Variants in LRRTM4 observed in about 807,000 individuals in gnomAD.
The protein encoded by LRRTM4 is leucine-rich repeat transmembrane neuronal protein 4.
In LRRTM4, 25 loss-of-function variants were observed where a neutral mutation model predicts 47.6. That is an observed-to-expected ratio of 0.53 (90% CI 0.38 to 0.73). LRRTM4 has a LOEUF of 0.73. LRRTM4 is among the 30% of genes least tolerant of loss of function. LRRTM4 has a pLI of 0.00. For missense variants in LRRTM4, 638 were observed against 713.4 expected, an observed-to-expected ratio of 0.89 and a Z score of 1.20; for synonymous variants, 311 against 269.5, an observed-to-expected ratio of 1.15 and a Z score of -1.51.
intron 3 of LRRTM4, among the ~76,000 whole-genome samples, chr2:77,118,517 G>A (rs542156196): frequency 1.9e-4 from 29 of 151,944 alleles, no homozygotes; most frequent in African/African-American, 7.0e-4. Context: ...ATGATGGATG[G>A]AGCATGCAAC....
At chr2:77,181,804 C>A (rs1277978990) in intron 3 of LRRTM4, among the ~76,000 whole-genome samples, 2 of 151,798 alleles carry the variant, frequency 1.3e-5, no homozygotes, top group Non-Finnish European at 2.9e-5. Flanking sequence ...TTTCGAAGTA[C>A]ACATAGAATG....
intron 3 of LRRTM4, among the ~76,000 whole-genome samples, chr2:76,870,361 C>T (rs1047599498): frequency 1.3e-5 from 2 of 151,996 alleles, no homozygotes; most frequent in Non-Finnish European, 2.9e-5. Context: ...AATTCTTGTA[C>T]GGTTGAGTAA....
At chr2:77,120,124 G>A (rs991689011) in intron 3 of LRRTM4, among the ~76,000 whole-genome samples, 1 of 151,754 alleles carries the variant, frequency 6.6e-6, no homozygotes, top group African/African-American at 2.4e-5. Flanking sequence ...TCATTCGAAA[G>A]GAAGGTAGGA....
intron 3 of LRRTM4, among the ~76,000 whole-genome samples, chr2:76,771,622 A>G (rs1156378363): frequency 1.3e-5 from 2 of 149,468 alleles, no homozygotes; most frequent in Non-Finnish European, 3.0e-5. Flanking sequence ...CTGTACCTCA[A>G]ATTCTTGCCA....
At chr2:76,754,141 G>T (rs1008017151) in intron 3 of LRRTM4, among the ~76,000 whole-genome samples, 1 of 152,082 alleles carries the variant, frequency 6.6e-6, no homozygotes, top group African/African-American at 2.4e-5. Flanking sequence ...TCCAGATAAA[G>T]AATTCAATGC....
chr2:76,798,003 A>C lies in LRRTM4; in HGVS notation c.1552-49087T>G, dbSNP rs546720373. On this transcript the variant is annotated intron_variant, in intron 3 of 3. Transcript: ENST00000409884. ...GACCTACAAAGAGACTTAGACTCCC[A>C]CACATTAACACCCCACTGTCAACAT... is the stretch of plus-strand genomic sequence containing the variant. 2.7e-5 allele frequency among the ~76,000 whole-genome samples: 4 copies of C among 146,446 alleles called. No homozygotes were observed. In the South Asian group the frequency reaches 8.5e-4, roughly 31 times the overall value.
At chr2:77,223,278 A>G (rs974392541) in intron 3 of LRRTM4, among the ~76,000 whole-genome samples, 2 of 152,200 alleles carry the variant, frequency 1.3e-5, no homozygotes, top group Non-Finnish European at 2.9e-5. Context: ...AACTGGAAGC[A>G]TTCCCTTTGA....
chr2:77,443,707 T>A (rs1016586774), intron 3 of LRRTM4, among the ~76,000 whole-genome samples: 1 of 152,150 alleles, frequency 6.6e-6, no homozygotes, highest in Non-Finnish European at 1.5e-5. Flanking sequence ...TAATATGATA[T>A]AAACATTGTT....
At chr2:77,167,928 T>C (rs1407736834) in intron 3 of LRRTM4, among the ~76,000 whole-genome samples, 1 of 152,174 alleles carries the variant, frequency 6.6e-6, no homozygotes, top group East Asian at 1.9e-4. Context: ...TGTGCACATG[T>C]ACCCTAGAAC....
At chr2:77,315,818 T>C (rs1470363661) in intron 3 of LRRTM4, among the ~76,000 whole-genome samples, 1 of 152,218 alleles carries the variant, frequency 6.6e-6, no homozygotes, top group East Asian at 1.9e-4. Context: ...TCACAGAAGA[T>C]ACTGCCCTTT....
At chr2:77,214,580 GA>G (rs1674384946) in intron 3 of LRRTM4, among the ~76,000 whole-genome samples, 3 of 152,130 alleles carry the variant, frequency 2.0e-5, no homozygotes, top group African/African-American at 7.2e-5. Flanking sequence ...GCTATGAAAA[GA>G]TTTAATTTAT....
At chr2:77,439,936 C>A (rs1675766054) in intron 3 of LRRTM4, among the ~76,000 whole-genome samples, 1 of 152,138 alleles carries the variant, frequency 6.6e-6, no homozygotes, top group African/African-American at 2.4e-5. Flanking sequence ...AACCAAGCAA[C>A]AAGGCCCCAG....
chr2:76,789,330 G>A (rs1558654071), intron 3 of LRRTM4, among the ~76,000 whole-genome samples: 1 of 152,188 alleles, frequency 6.6e-6, no homozygotes, highest in Non-Finnish European at 1.5e-5. Flanking sequence ...CCACTTCCAT[G>A]TTCCATACCA....
At position 77,324,727 on chromosome 2, in the gene LRRTM4, G is replaced by A. The variant is rs533867911; in HGVS notation, c.1551+193591C>T. On this transcript the variant is annotated intron_variant, in intron 3 of 3. Coordinates refer to ENST00000409884, the MANE Select transcript of LRRTM4 (RefSeq NM_001134745.3). ...GGCCATCTTATAGATTTTGGGATAC[G>A]TCCCAAGATTCTTAAGTAAGGCCAT... is the stretch of plus-strand genomic sequence containing the variant. Among the ~76,000 whole-genome samples the A allele has an allele frequency of 7.2e-5, 11 of 152,274 alleles. No homozygotes were observed. In the East Asian group the frequency reaches 7.7e-4, roughly 11 times the overall value.
chr2:76,954,052 C>G (rs1453487732), intron 3 of LRRTM4, among the ~76,000 whole-genome samples: 1 of 151,814 alleles, frequency 6.6e-6, no homozygotes, highest in Non-Finnish European at 1.5e-5. Flanking sequence ...TTGAGAAGCC[C>G]TCAGAGTCTC....
chr2:77,335,476 A>G (rs1022623112), intron 3 of LRRTM4, among the ~76,000 whole-genome samples: 13 of 152,134 alleles, frequency 8.5e-5, no homozygotes, highest in Admixed American at 7.9e-4. Context: ...CCCATAGCCA[A>G]TGCTCATCTT....
chr2:77,053,664 T>A lies in LRRTM4; in HGVS notation c.1552-304748A>T, dbSNP rs146459617. On this transcript the variant is annotated intron_variant, in intron 3 of 3. Coordinates refer to ENST00000409884, the MANE Select transcript of LRRTM4 (RefSeq NM_001134745.3). ...TGCTAGCCATTTCAAAAGTCCCCTTTTATCTGCTAGAGGTAATAGAATTAA... is the reference window on the plus strand; with the variant it reads ...TGCTAGCCATTTCAAAAGTCCCCTTATATCTGCTAGAGGTAATAGAATTAA... Among the ~76,000 whole-genome samples, 527 of 152,222 alleles carry A rather than the reference T, an allele frequency of 3.5e-3. 4 individuals carry two copies. Among genetic ancestry groups the A allele is most frequent in the Admixed American group, 7.1e-3 (109 of 15,278 alleles).
chr2:77,029,030 A>ATC (rs1310098141), intron 3 of LRRTM4, among the ~76,000 whole-genome samples: 1 of 137,270 alleles, frequency 7.3e-6, no homozygotes, highest in Non-Finnish European at 1.6e-5. Context: ...GCGAGAGTCC[A>ATC]TCACACACAC....
intron 3 of LRRTM4, among the ~76,000 whole-genome samples, chr2:76,997,770 C>T (rs890275140): frequency 1.6e-4 from 24 of 152,082 alleles, no homozygotes; most frequent in African/African-American, 5.8e-4. Flanking sequence ...AGGTGAGCAC[C>T]GGCCAGCAAG....
Sources: allele counts gnomAD v4.1 joint callset (sites outside exome capture counted in the v4.1 genomes callset), GRCh38; gene constraint gnomAD v4.1.1; transcripts MANE v1.5; gene names NCBI Gene and HGNC (gene_info 2026-07-23, HGNC 2026-07-21).